Variants in INTS2 observed in about 807,000 individuals in gnomAD.
INTS2 encodes integrator complex subunit 2, also known as KIAA1287.
In INTS2, 57 loss-of-function variants were observed where a neutral mutation model predicts 139.6. The ratio of observed to expected loss-of-function variants is 0.41; its 90% CI spans 0.33 to 0.51. INTS2 has a LOEUF of 0.51. Ranked by LOEUF, INTS2 falls within the 20% of genes least tolerant of loss-of-function variation. The pLI is 0.28. For missense variants in INTS2, 1,196 were observed against 1,436.7 expected, an observed-to-expected ratio of 0.83 and a Z score of 2.71; for synonymous variants, 473 against 493.4, an observed-to-expected ratio of 0.96 and a Z score of 0.55.
In INTS2 at chr17:61,867,778, T is replaced by C; in HGVS notation, c.3422-52A>G. 1 of 1,560,824 alleles carries C rather than the reference T, an allele frequency of 6.4e-7. No homozygotes were observed. Among genetic ancestry groups the C allele is most frequent in the Non-Finnish European group, 8.7e-7 (1 of 1,155,572 alleles). On this transcript the variant is annotated intron_variant, in intron 24 of 24. Transcript: ENST00000251334. The surrounding 1 kb of genome is among the most constrained non-coding windows in gnomAD (Gnocchi z 5.6). ...AAGGCCAAGAAATTTGGAAAGGAAT[T>C]TGGCCTTTTTGTTTGAGATATTAAG...
At chr17:61,901,112 C>CA (rs2079400250) in intron 9 of INTS2, among the ~76,000 whole-genome samples, 1 of 151,936 alleles carries the variant, frequency 6.6e-6, no homozygotes, top group Admixed American at 6.6e-5. Context: ...CCCATCCCTA[C>CA]AAAAAACTTT....
At chr17:61,878,931 CAA>C (rs35652350) in intron 17 of INTS2, among the ~76,000 whole-genome samples, 178 of 46,630 alleles carry the variant, frequency 3.8e-3, no homozygotes, top group African/African-American at 0.018. Context: ...ACCCTGTCTC[CAA>C]AAAAAAAAAA....
At position 61,889,347 on chromosome 17, in the gene INTS2, G is replaced by C. The variant is rs574703288; in HGVS notation, c.1984+439C>G. On this transcript the variant is annotated intron_variant, in intron 15 of 24. Transcript: ENST00000251334. The stretch of plus-strand genomic sequence containing the variant: ...GGTGATCCGCCCACCTCGGCCTCCC[G>C]AAGTGCTAGGATTACAGGCGTAAGC... Among the ~76,000 whole-genome samples, 3 of 152,208 alleles carry C rather than the reference G, an allele frequency of 2.0e-5. No homozygotes were observed. In the East Asian group the frequency reaches 5.8e-4, roughly 30 times the overall value.
At chr17:61,889,944 CTT>C (rs749440040) in intron 14 of INTS2, 50 bp from the exon 15 acceptor site, 17 of 1,024,536 alleles carry the variant, frequency 1.7e-5, no homozygotes, top group African/African-American at 3.3e-5. Context: ...TTCACGAGTG[CTT>C]TTTTTTTTCT....
rs962853330 is a variant in INTS2, at chr17:61,867,961, C to A, written c.3293G>T (p.Ser1098Ile). Residue 1098 changes from serine to isoleucine, a missense_variant, in exon 24 of 25, where the codon AGT becomes ATT. Ser to Ile is a moderately radical substitution (Grantham distance 142, BLOSUM62 -2). This residue lies in a region of INTS2 where 1,129 missense variants were observed against 1,341.9 expected (regional missense o/e 0.84). Transcript: ENST00000251334. The surrounding 1 kb of genome is among the most constrained non-coding windows in gnomAD (Gnocchi z 5.6). Reference sequence around the variant, plus strand: ...AAATGCTCGACAAAAAGAGACCAAACTTGGCAGAGTTGGCATAAAAAAAGC... The same window carrying A: ...AAATGCTCGACAAAAAGAGACCAAAATTGGCAGAGTTGGCATAAAAAAAGC... ...RYAFFMPTLP[S>I]LVSFCRAFPP... 1.7e-5 allele frequency: 28 copies of A among 1,609,768 alleles called. No homozygotes were observed. The highest frequency in any genetic ancestry group is 2.0e-5 in the Non-Finnish European group (24 of 1,178,828).
intron 19 of INTS2, 122 bp downstream of exon 19, chr17:61,874,791 G>T: frequency 1.5e-6 from 1 of 659,362 alleles, no homozygotes; most frequent in Non-Finnish European, 2.2e-6. Context: ...AACCGCACAG[G>T]TCACACTGCC....
rs866768729 is a variant in INTS2 at position 61,885,721 on chromosome 17, C to A, written c.1985-716G>T. Among the ~76,000 whole-genome samples the A allele has an allele frequency of 4.8e-3, 650 of 136,166 alleles. 5 individuals are homozygous for A. Among genetic ancestry groups the A allele is most frequent in the African/African-American group, 0.017 (614 of 35,112 alleles). 89.3% of individuals were successfully genotyped at this position (136,166 alleles called of 152,430 possible). ...ACAGGCGTGAGTCACTGGGCCCGGC[C>A]AATTTTTTTTTTTTTTTTTTTTTTT... On this transcript the variant is annotated intron_variant, in intron 15 of 24. Coordinates refer to ENST00000251334, the MANE Select transcript of INTS2 (RefSeq NM_001351695.2).
chr17:61,916,098 C>G (rs964562785), intron 5 of INTS2, among the ~76,000 whole-genome samples: 2 of 152,094 alleles, frequency 1.3e-5, no homozygotes, highest in Admixed American at 1.3e-4. Context: ...TCAAACTATA[C>G]TACATGGCTA....
intron 9 of INTS2, among the ~76,000 whole-genome samples, chr17:61,903,728 C>A (rs1344999589): frequency 6.6e-6 from 1 of 150,914 alleles, no homozygotes. Context: ...TGGTTGAGTT[C>A]TCAGTAGTGC....
chr17:61,919,302 A>G (rs2079614855), intron 5 of INTS2, 98 bp downstream of exon 5: 2 of 639,106 alleles, frequency 3.1e-6, no homozygotes, highest in Middle Eastern at 2.6e-4. Context: ...TAAAATCTCA[A>G]ATAAAATCCC....
chr17:61,882,840 T>C lies in INTS2; in HGVS notation c.2090-1669A>G, dbSNP rs376114879. ...CTAATAAATATTGTTGCTACCATAC[T>C]ATTATCATCATAACAGTAAGACTAC... On this transcript the variant is annotated intron_variant, in intron 16 of 24. Transcript: ENST00000251334. This position sits in a 1 kb window ranked among gnomAD's most constrained non-coding sequence, Gnocchi z 4.7. Among the ~76,000 whole-genome samples the C allele has an allele frequency of 6.6e-6, 1 of 152,246 alleles. No homozygotes were observed. The highest frequency in any genetic ancestry group is 2.4e-5 in the African/African-American group (1 of 41,474).
intron 4 of INTS2, among the ~76,000 whole-genome samples, 188 bp downstream of exon 4, chr17:61,921,537 T>C (rs2079641014): frequency 1.3e-5 from 2 of 152,238 alleles, no homozygotes; most frequent in Admixed American, 1.3e-4. Flanking sequence ...CTGCATAATA[T>C]GTCACACTAT....
At position 61,869,191 on chromosome 17, in the gene INTS2, T is replaced by C; in HGVS notation, c.3139-52A>G. 1 of 1,470,048 alleles carries C rather than the reference T, an allele frequency of 6.8e-7. No homozygotes were observed. Among genetic ancestry groups the C allele is most frequent in the South Asian group, 1.2e-5 (1 of 86,142 alleles). The allele number at this position is 1,470,048 out of a possible 1,614,324, so 91.1% of individuals were successfully genotyped here. A position where few individuals can be genotyped will look rare whatever the true frequency, so the allele number is the denominator to read the frequency against. ...TGTTTCTCAAGAATATCTTTAGGTA[T>C]TAAAAATTATAAAATGTTTTGTATA... is the stretch of plus-strand genomic sequence containing the variant. On this transcript the variant is annotated intron_variant, in intron 22 of 24. Transcript: ENST00000251334. This position sits in a 1 kb window ranked among gnomAD's most constrained non-coding sequence, Gnocchi z 5.4.
In INTS2 at chr17:61,869,048, C is replaced by A; in HGVS notation, c.3230G>T (p.Gly1077Val). 1.2e-6 allele frequency: 2 copies of A among 1,601,840 alleles called. No individual in the cohort carries two copies. The highest frequency in any genetic ancestry group is 2.2e-5 in the South Asian group (2 of 90,660). ...SVARLAVNVM[G>V]TLLTVLTQAK... The stretch of plus-strand genomic sequence containing the variant: ...TGGCTACATACCTGTTAACAAAGTT[C>A]CCATGACATTGACAGCTAAACGAGC... The change falls in exon 23 of 25, where the codon GGA (glycine) becomes GTA (valine). Residue 1077 changes from glycine to valine, a missense_variant. Physicochemically the swap from Gly to Val is moderately radical, Grantham distance 109. Transcript: ENST00000251334. This position sits in a 1 kb window ranked among gnomAD's most constrained non-coding sequence, Gnocchi z 5.4.
At position 61,924,984 on chromosome 17, in the gene INTS2, C is replaced by G. The variant is rs1567923135; in HGVS notation, c.409G>C (p.Glu137Gln). ...SPRRLRLVLS[E>Q]LLAIMNKVSE... ...ACCTTGTTCATAATTGCCAACAGTTCACTAAGCACAAGACGCAATCGACGA... is the reference window on the plus strand; with the variant it reads ...ACCTTGTTCATAATTGCCAACAGTTGACTAAGCACAAGACGCAATCGACGA... Residue 137 changes from glutamate to glutamine, a missense_variant, in exon 3 of 25, where the codon GAA becomes CAA. Coordinates refer to ENST00000251334, the MANE Select transcript of INTS2 (RefSeq NM_001351695.2). 1.2e-6 allele frequency: 2 copies of G among 1,612,818 alleles called. No individual in the cohort carries two copies. The highest frequency in any genetic ancestry group is 1.7e-6 in the Non-Finnish European group (2 of 1,179,448).
intron 16 of INTS2, among the ~76,000 whole-genome samples, chr17:61,883,352 A>T (rs2079194729): frequency 6.9e-6 from 1 of 144,250 alleles, no homozygotes; most frequent in Admixed American, 7.0e-5. Context: ...ATCTCTACTT[A>T]AAAAAAAAAA....
chr17:61,915,102 G>T (rs1212989647), intron 5 of INTS2, among the ~76,000 whole-genome samples: 1 of 151,848 alleles, frequency 6.6e-6, no homozygotes, highest in Non-Finnish European at 1.5e-5. Context: ...ACTTTGGGAG[G>T]CCAAGGCAGG....
chr17:61,867,755 G>A lies in INTS2; in HGVS notation c.3422-29C>T, dbSNP rs1402326409. On this transcript the variant is annotated intron_variant, in intron 24 of 24. Coordinates refer to ENST00000251334, the MANE Select transcript of INTS2 (RefSeq NM_001351695.2). The surrounding 1 kb of genome is among the most constrained non-coding windows in gnomAD (Gnocchi z 5.6). Reference sequence around the variant, plus strand: ...CAACATAAGGGAAAAAAAACATTAAGGCCAAGAAATTTGGAAAGGAATTTG... The same window carrying A: ...CAACATAAGGGAAAAAAAACATTAAAGCCAAGAAATTTGGAAAGGAATTTG... The A allele has an allele frequency of 1.3e-6, 2 of 1,563,808 alleles. No individual in the cohort carries two copies. The highest frequency in any genetic ancestry group is 4.5e-5 in the East Asian group (2 of 44,258).
intron 15 of INTS2, among the ~76,000 whole-genome samples, chr17:61,889,240 C>G (rs2079264271): frequency 3.3e-5 from 5 of 152,024 alleles, no homozygotes; most frequent in Admixed American, 2.0e-4. Context: ...GCATGAGCCA[C>G]CACACCTGGC....
Sources: gnomAD v4.1 joint callset for allele counts (sites outside exome capture counted in the v4.1 genomes callset) on GRCh38, gnomAD v4.1.1 for gene constraint, gnomAD v4.1.1 regional missense constraint, Gnocchi (gnomAD v3.1) non-coding constraint, MANE v1.5 for transcripts, NCBI Gene and HGNC (gene_info 2026-07-23, HGNC 2026-07-21) for gene names.